The following PVT1 variants were observed in gnomAD, a reference collection of about 807,000 sequenced individuals.
PVT1 encodes the protein Pvt1 oncogene, also known as CXCR4/PVT1 fusion.
At chr8:128,003,428 C>T (rs887271301) in intron 4 of PVT1, among the ~76,000 whole-genome samples, 8 of 151,864 alleles carry the variant, frequency 5.3e-5, no homozygotes, top group African/African-American at 2.4e-5. Flanking sequence ...CCACTGTAGC[C>T]TAGACATCCC....
intron 3 of PVT1, among the ~76,000 whole-genome samples, chr8:127,960,941 GGT>G (rs138421647): frequency 0.24 from 26,473 of 112,452 alleles, 3,399 homozygotes; most frequent in Non-Finnish European, 0.28. Context: ...TGTGTTTGGG[GGT>G]GGGGGGGGCG....
intron 4 of PVT1, among the ~76,000 whole-genome samples, chr8:128,020,342 G>T (rs1021827850): frequency 6.6e-6 from 1 of 152,138 alleles, no homozygotes; most frequent in Non-Finnish European, 1.5e-5. Context: ...TATCCAGGTG[G>T]ATCCAATCCA....
At chr8:127,844,718 T>C (rs1415991528) in intron 2 of PVT1, among the ~76,000 whole-genome samples, 1 of 151,740 alleles carries the variant, frequency 6.6e-6, no homozygotes, top group Non-Finnish European at 1.5e-5. Context: ...GTTTTTGTTT[T>C]TTTGTTTGTT....
Position 127,937,608 on chromosome 8 carries a change from G to GAC in PVT1, n.782+46611_782+46612dup, listed in dbSNP as rs1210768167. 3.4e-3 allele frequency among the ~76,000 whole-genome samples: 514 copies of GAC among 149,068 alleles called. 6 individuals are homozygous for GAC. Among genetic ancestry groups the GAC allele is most frequent in the African/African-American group, 0.011 (454 of 40,226 alleles). ...AGAGAGAGAGAGAGAGAGAGAGAGAGACCAACGTGGCCTCTCTAAATAGGT... is the reference window on the plus strand; with the variant it reads ...AGAGAGAGAGAGAGAGAGAGAGAGAGACACCAACGTGGCCTCTCTAAATAGGT... On this transcript the variant is annotated intron_variant and non_coding_transcript_variant, in intron 3 of 10. Transcript: ENST00000651587.
At chr8:127,798,026 G>A (rs1217729027) in intron 2 of PVT1, among the ~76,000 whole-genome samples, 1 of 152,142 alleles carries the variant, frequency 6.6e-6, no homozygotes, top group Admixed American at 6.5e-5. Flanking sequence ...CAAAGGGCCG[G>A]GCGCGGTGGC....
At chr8:128,036,886 T>C (rs1235427912) in intron 4 of PVT1, among the ~76,000 whole-genome samples, 1 of 152,214 alleles carries the variant, frequency 6.6e-6, no homozygotes, top group East Asian at 1.9e-4. Context: ...GGCCAGGACT[T>C]GGCTGCAGGG....
At chr8:128,049,216 AT>A (rs1813656573) in intron 4 of PVT1, 1 of 531,308 alleles carries the variant, frequency 1.9e-6, no homozygotes, top group South Asian at 1.4e-5. Flanking sequence ...GCTGGCCCTC[AT>A]TTCTTAAGAC....
chr8:128,091,649 TG>T (rs1417691025), intron 5 of PVT1, among the ~76,000 whole-genome samples: 1 of 152,230 alleles, frequency 6.6e-6, no homozygotes, highest in Non-Finnish European at 1.5e-5. Flanking sequence ...GGTTCAATCC[TG>T]GCTGCATACT....
chr8:128,025,484 G>A (rs951887915), intron 4 of PVT1, among the ~76,000 whole-genome samples: 3 of 152,090 alleles, frequency 2.0e-5, no homozygotes, highest in Non-Finnish European at 4.4e-5. Flanking sequence ...TCAGGGGAGA[G>A]AGTCTCCTGT....
intron 5 of PVT1, among the ~76,000 whole-genome samples, chr8:128,084,072 T>C (rs565441160): frequency 6.6e-6 from 1 of 152,162 alleles, no homozygotes; most frequent in Non-Finnish European, 1.5e-5. Context: ...CCTCCTAATC[T>C]ATCTTCCTGT....
chr8:127,989,352 C>T (rs949037846), intron 4 of PVT1: 1 of 151,942 alleles, frequency 6.6e-6, no homozygotes, highest in Non-Finnish European at 1.5e-5. Context: ...AGTTGACGAC[C>T]TCCTGCAGCA....
At chr8:127,947,911 C>T (rs996063292) in intron 3 of PVT1, 12 of 456,738 alleles carry the variant, frequency 2.6e-5, no homozygotes, top group Middle Eastern at 3.3e-4. Context: ...ATTATTATCC[C>T]CATTTTACCT....
intron 2 of PVT1, among the ~76,000 whole-genome samples, chr8:127,884,392 T>C (rs1311959848): frequency 6.6e-6 from 1 of 152,270 alleles, no homozygotes; most frequent in African/African-American, 2.4e-5. Flanking sequence ...TTGAGTAGTT[T>C]CCAGTGTTTG....
chr8:127,919,158 G>A (rs1479243224), intron 3 of PVT1, among the ~76,000 whole-genome samples: 2 of 152,106 alleles, frequency 1.3e-5, no homozygotes, highest in Admixed American at 1.3e-4. Flanking sequence ...AGTGAAGCCC[G>A]GTTTACTTTT....
chr8:127,936,814 C>T (rs911085399), intron 3 of PVT1, among the ~76,000 whole-genome samples: 1 of 152,206 alleles, frequency 6.6e-6, no homozygotes, highest in Non-Finnish European at 1.5e-5. Flanking sequence ...CATACCCTCC[C>T]GTGGGACTTG....
At chr8:127,939,411 G>A (rs773834069) in intron 3 of PVT1, 1 of 152,348 alleles carries the variant, frequency 6.6e-6, no homozygotes, top group Non-Finnish European at 1.5e-5. Flanking sequence ...AGCCAGGTGC[G>A]GGGTCTCTCA....
chr8:127,922,974 C>A (rs1189975376), intron 3 of PVT1, among the ~76,000 whole-genome samples: 1 of 152,264 alleles, frequency 6.6e-6, no homozygotes, highest in African/African-American at 2.4e-5. Flanking sequence ...GCTGTATCAG[C>A]AAAACTGCTA....
At chr8:127,954,397 C>T (rs779462557) in intron 3 of PVT1, among the ~76,000 whole-genome samples, 7 of 149,358 alleles carry the variant, frequency 4.7e-5, no homozygotes, top group Admixed American at 6.8e-5. Flanking sequence ...CAGGTTCAAG[C>T]GATTTTCCGG....
At chr8:127,924,577 T>C (rs1056781607) in intron 3 of PVT1, among the ~76,000 whole-genome samples, 1 of 150,496 alleles carries the variant, frequency 6.6e-6, no homozygotes, top group Admixed American at 6.7e-5. Flanking sequence ...AGTGGCTCGA[T>C]GTCGGCTCAC....
Sources: gnomAD v4.1 joint callset for allele counts (sites outside exome capture counted in the v4.1 genomes callset) on GRCh38, gnomAD v4.1.1 for gene constraint, MANE v1.5 for transcripts, NCBI Gene and HGNC (gene_info 2026-07-23, HGNC 2026-07-21) for gene names.